The following EPC2 variants were observed in gnomAD, a reference collection of about 807,000 sequenced individuals.
The protein encoded by EPC2 is enhancer of polycomb 2.
EPC2 carries 14 observed loss-of-function variants against 92.1 expected under a neutral mutation model. That is an observed-to-expected ratio of 0.15 (90% CI 0.10 to 0.24). EPC2 has a LOEUF of 0.24. EPC2 is among the 10% of genes least tolerant of loss of function. The pLI is 1.00. For synonymous variants in EPC2, 340 were observed against 334.7 expected, an observed-to-expected ratio of 1.02 and a Z score of -0.17; for missense variants, 755 against 971.5, an observed-to-expected ratio of 0.78 and a Z score of 2.96.
chr2:148,778,171 G>A (rs1683683114), intron 10 of EPC2, among the ~76,000 whole-genome samples: 2 of 152,170 alleles, frequency 1.3e-5, no homozygotes. Context: ...GGCATGTGGT[G>A]AGATAAATTT....
At position 148,669,859 on chromosome 2, in the gene EPC2, A is replaced by C. The variant is rs943735339; in HGVS notation, c.154-20355A>C. 5.9e-5 allele frequency among the ~76,000 whole-genome samples: 9 copies of C among 151,874 alleles called. No homozygotes were observed. The South Asian group carries it at 1.7e-3, about 28-fold the overall frequency. ...TGAGTACTCTATCCAATGCCCTTTA[A>C]ATTTTGAGGTTTTTCAGTCTTGTTA... On this transcript the variant is annotated intron_variant, in intron 1 of 13. Transcript: ENST00000258484.
At chr2:148,661,044 G>A (rs1303577527) in intron 1 of EPC2, among the ~76,000 whole-genome samples, 1 of 151,858 alleles carries the variant, frequency 6.6e-6, no homozygotes, top group African/African-American at 2.4e-5. Flanking sequence ...GAGTTTACTG[G>A]CAATTGTTTC....
chr2:148,783,624 A>G lies in EPC2; in HGVS notation c.1885A>G (p.Lys629Glu). 6.2e-7 allele frequency: 1 copy of G among 1,608,030 alleles called. No individual in the cohort carries two copies. The highest frequency in any genetic ancestry group is 8.5e-7 in the Non-Finnish European group (1 of 1,177,002). Residue 629 changes from lysine (K) to glutamate (E), a missense_variant, in exon 12 of 14, where the codon AAA becomes GAA. Physicochemically the swap from Lys to Glu is moderately conservative, Grantham distance 56. Coordinates refer to ENST00000258484, the MANE Select transcript of EPC2 (RefSeq NM_015630.4). ...QGSSTSDCMS[K>E]TLDSASAHFA... ...CTCAAGCACCTCTGACTGTATGTCT[A>G]AAACACTTGACTCAGCCAGCGCCCA...
intron 1 of EPC2, among the ~76,000 whole-genome samples, chr2:148,660,507 T>C (rs1680909764): frequency 6.6e-6 from 1 of 152,110 alleles, no homozygotes; most frequent in Admixed American, 6.5e-5. Flanking sequence ...TAGTTAGTGG[T>C]CTGGTGTATA....
chr2:148,681,063 G>A (rs1370687627), intron 1 of EPC2, among the ~76,000 whole-genome samples: 1 of 152,188 alleles, frequency 6.6e-6, no homozygotes, highest in African/African-American at 2.4e-5. Context: ...TTAGTATGAT[G>A]TAGAAGCTCC....
intron 6 of EPC2, among the ~76,000 whole-genome samples, chr2:148,764,721 G>A (rs6714533): frequency 0.025 from 3,862 of 152,116 alleles, 89 homozygotes; most frequent in Non-Finnish European, 0.038. Flanking sequence ...ATAGTTTAAA[G>A]TAGTGATAAT....
chr2:148,747,432 C>T (rs1217069975), intron 3 of EPC2, among the ~76,000 whole-genome samples: 2 of 152,004 alleles, frequency 1.3e-5, no homozygotes, highest in African/African-American at 2.4e-5. Context: ...TCTCTTTCTG[C>T]CCCAAAAGGT....
intron 2 of EPC2, among the ~76,000 whole-genome samples, chr2:148,701,006 G>GTT (rs1681875736): frequency 6.6e-6 from 1 of 152,028 alleles, no homozygotes; most frequent in Non-Finnish European, 1.5e-5. Flanking sequence ...TGATACTTAA[G>GTT]TGTCTTTTTT....
intron 4 of EPC2, among the ~76,000 whole-genome samples, chr2:148,760,330 C>T (rs1405759748): frequency 1.3e-5 from 2 of 152,142 alleles, no homozygotes; most frequent in Non-Finnish European, 2.9e-5. Flanking sequence ...CCAAGAGGAA[C>T]ACTTACTGAA....
intron 1 of EPC2, among the ~76,000 whole-genome samples, chr2:148,648,848 G>A (rs1263962300): frequency 6.6e-6 from 1 of 152,200 alleles, no homozygotes; most frequent in Non-Finnish European, 1.5e-5. Context: ...ATGTCATCCT[G>A]TGTAGCCTCT....
At chr2:148,670,357 T>A (rs928559502) in intron 1 of EPC2, among the ~76,000 whole-genome samples, 1 of 152,092 alleles carries the variant, frequency 6.6e-6, no homozygotes, top group Non-Finnish European at 1.5e-5. Flanking sequence ...TTTTTAAGTT[T>A]TAAAATTGAG....
At chr2:148,653,179 T>A (rs1011310023) in intron 1 of EPC2, among the ~76,000 whole-genome samples, 2 of 152,256 alleles carry the variant, frequency 1.3e-5, no homozygotes, top group African/African-American at 4.8e-5. Context: ...ACTTTCTGTC[T>A]TAAGTGATAA....
intron 10 of EPC2, among the ~76,000 whole-genome samples, chr2:148,774,996 G>A (rs1450238827): frequency 1.3e-5 from 2 of 151,504 alleles, no homozygotes; most frequent in African/African-American, 4.8e-5. Flanking sequence ...GGTTGAGGCA[G>A]GAGAATGGCG....
chr2:148,654,367 A>G (rs770637363), intron 1 of EPC2, among the ~76,000 whole-genome samples: 4 of 152,252 alleles, frequency 2.6e-5, no homozygotes, highest in Non-Finnish European at 5.9e-5. Context: ...AGTAAAATGT[A>G]GAGTATTCCC....
At chr2:148,757,059 A>G (rs1431673305) in intron 4 of EPC2, among the ~76,000 whole-genome samples, 2 of 152,168 alleles carry the variant, frequency 1.3e-5, no homozygotes, top group Admixed American at 6.5e-5. Flanking sequence ...AAAAATGTCA[A>G]TATGAACTTG....
At chr2:148,726,104 C>T (rs892222213) in intron 2 of EPC2, among the ~76,000 whole-genome samples, 32 of 152,134 alleles carry the variant, frequency 2.1e-4, no homozygotes, top group African/African-American at 7.7e-4. Context: ...ATAACGTCCT[C>T]AAGATTCATC....
chr2:148,745,764 T>A (rs1283746695), intron 3 of EPC2, among the ~76,000 whole-genome samples: 1 of 152,136 alleles, frequency 6.6e-6, no homozygotes, highest in Non-Finnish European at 1.5e-5. Flanking sequence ...TTACTTTTCC[T>A]TTATGGGGGC....
intron 1 of EPC2, chr2:148,645,412 A>G (rs1574556412): frequency 2.3e-6 from 1 of 441,574 alleles, no homozygotes; most frequent in East Asian, 4.6e-5. Context: ...ACGCTGCCGT[A>G]AGGGGGCCTT....
At chr2:148,695,472 A>G (rs1040776357) in intron 2 of EPC2, among the ~76,000 whole-genome samples, 8 of 152,232 alleles carry the variant, frequency 5.3e-5, no homozygotes, top group African/African-American at 1.9e-4. Context: ...TGGAAAAGAG[A>G]AAAAGTTACA....
Sources: allele counts gnomAD v4.1 joint callset (sites outside exome capture counted in the v4.1 genomes callset), GRCh38; gene constraint gnomAD v4.1.1; transcripts MANE v1.5; gene names NCBI Gene and HGNC (gene_info 2026-07-23, HGNC 2026-07-21).